Variants in PIK3CA observed in about 807,000 individuals in gnomAD.
The protein encoded by PIK3CA is phosphatidylinositol 4,5-bisphosphate 3-kinase catalytic subunit alpha isoform.
PIK3CA carries 27 observed loss-of-function variants against 138.2 expected under a neutral mutation model. The ratio of observed to expected loss-of-function variants is 0.20; its 90% CI spans 0.14 to 0.27. The LOEUF is 0.27. Among genes scored for constraint, PIK3CA ranks in the 10% least tolerant of loss-of-function variants. PIK3CA has a pLI of 1.00. For missense variants in PIK3CA, 544 were observed against 1,277.4 expected (o/e 0.43, Z 8.75); for synonymous variants, 358 against 413.2 (o/e 0.87, Z 1.62).
In PIK3CA at chr3:179,237,018, C is replaced by G. The variant is rs115425625; in HGVS notation, c.*2654C>G. 728 of 195,032 alleles carry G rather than the reference C, an allele frequency of 3.7e-3. 2 individuals are homozygous for G. Among genetic ancestry groups the G allele is most frequent in the African/African-American group, 0.016 (688 of 43,304 alleles). The allele number at this position is 195,032 out of a possible 1,614,324, so 12.1% of individuals were successfully genotyped here. On this transcript the variant is annotated 3_prime_UTR_variant, in exon 21 of 21. Transcript: ENST00000263967. ...TATTGGGCCACTTAAGAAATATTTCCTTGAATAATTATTTTGAGAAAAAGT... is the reference window on the plus strand; with the variant it reads ...TATTGGGCCACTTAAGAAATATTTCGTTGAATAATTATTTTGAGAAAAAGT...
At chr3:179,201,169 T>C in intron 3 of PIK3CA, 121 bp from the exon 4 acceptor site, 2 of 800,718 alleles carry the variant, frequency 2.5e-6, no homozygotes, top group South Asian at 1.8e-5. Flanking sequence ...CTAGTTTTAA[T>C]TGGGCTGATT....
chr3:179,176,471 A>G (rs1576921224), intron 1 of PIK3CA, among the ~76,000 whole-genome samples: 1 of 152,288 alleles, frequency 6.6e-6, no homozygotes, highest in African/African-American at 2.4e-5. Flanking sequence ...AGCTTCATCA[A>G]AAAAAGAGTT....
intron 18 of PIK3CA, among the ~76,000 whole-genome samples, chr3:179,229,801 T>C (rs1305400610): frequency 1.3e-5 from 2 of 152,180 alleles, no homozygotes; most frequent in Non-Finnish European, 2.9e-5. Flanking sequence ...TGAAGAATTA[T>C]GCTTTGGTCA....
rs571567374 is a variant in PIK3CA, at chr3:179,203,161, C to T, written c.814-383C>T. Among the ~76,000 whole-genome samples, 4 of 151,902 alleles carry T rather than the reference C, an allele frequency of 2.6e-5. No individual in the cohort carries two copies. In the South Asian group the frequency reaches 6.2e-4, roughly 24 times the overall value. On this transcript the variant is annotated intron_variant, in intron 4 of 20. Transcript: ENST00000263967. ...TTCACCGTTTTAGCCAGGATGGTCT[C>T]GATCTCCTGACCTCGTGATCCGCCC...
chr3:179,172,210 T>C (rs931436872), intron 1 of PIK3CA, among the ~76,000 whole-genome samples: 1 of 151,998 alleles, frequency 6.6e-6, no homozygotes, highest in Non-Finnish European at 1.5e-5. Flanking sequence ...TAAAAACTCT[T>C]AGCAAGCTAG....
intron 1 of PIK3CA, among the ~76,000 whole-genome samples, chr3:179,179,278 A>T (rs1723780967): frequency 6.6e-6 from 1 of 152,272 alleles, no homozygotes; most frequent in Admixed American, 6.5e-5. Context: ...AAGCTGTAGT[A>T]TATTTTGGAA....
Position 179,198,049 on chromosome 3 carries a change from TAC to T in PIK3CA, c.-76-699_-76-698del, listed in dbSNP as rs1455442201. ...TTATTTGAGAAAGTAAATAGATCAT[TAC>T]AAATTCATCGTCATACTTCAAGGAA... is the stretch of plus-strand genomic sequence containing the variant. On this transcript the variant is annotated intron_variant, in intron 1 of 20. Transcript: ENST00000263967. Among the ~76,000 whole-genome samples, 3 of 152,206 alleles carry T rather than the reference TAC, an allele frequency of 2.0e-5. No individual in the cohort carries two copies. The East Asian group carries it at 5.8e-4, about 29-fold the overall frequency.
At chr3:179,202,524 C>T (rs928899897) in intron 4 of PIK3CA, among the ~76,000 whole-genome samples, 1 of 152,176 alleles carries the variant, frequency 6.6e-6, no homozygotes, top group Non-Finnish European at 1.5e-5. Flanking sequence ...GAAGCAACTA[C>T]GTTTGTGCCA....
intron 3 of PIK3CA, among the ~76,000 whole-genome samples, chr3:179,200,578 AGT>A (rs927537351): frequency 2.4e-4 from 37 of 152,324 alleles, no homozygotes; most frequent in African/African-American, 8.2e-4. Flanking sequence ...TTTTCAAAGT[AGT>A]TTAATGCAAC....
At chr3:179,231,244 T>C (rs922626013) in intron 20 of PIK3CA, among the ~76,000 whole-genome samples, 2 of 152,170 alleles carry the variant, frequency 1.3e-5, no homozygotes, top group Admixed American at 6.5e-5. Context: ...TTTGCAATTG[T>C]GAATTGTGCT....
At chr3:179,188,172 C>T (rs1025447406) in intron 1 of PIK3CA, among the ~76,000 whole-genome samples, 1 of 152,198 alleles carries the variant, frequency 6.6e-6, no homozygotes, top group Non-Finnish European at 1.5e-5. Context: ...CTCTTTGCTA[C>T]TATATGTTAA....
At chr3:179,184,807 T>G (rs1316418967) in intron 1 of PIK3CA, among the ~76,000 whole-genome samples, 1 of 152,190 alleles carries the variant, frequency 6.6e-6, no homozygotes, top group Non-Finnish European at 1.5e-5. Flanking sequence ...AACCCAAGTT[T>G]CACTTTATGA....
intron 1 of PIK3CA, among the ~76,000 whole-genome samples, chr3:179,187,306 G>C (rs1046148841): frequency 6.6e-6 from 1 of 152,072 alleles, no homozygotes; most frequent in East Asian, 2.0e-4. Context: ...GGGAGGCCGA[G>C]GTGGGCGGAT....
chr3:179,169,595 T>C (rs533657714), intron 1 of PIK3CA, among the ~76,000 whole-genome samples: 1 of 152,226 alleles, frequency 6.6e-6, no homozygotes, highest in South Asian at 2.1e-4. Context: ...GGTTCTGGGG[T>C]TTTTCCCTAT....
intron 1 of PIK3CA, among the ~76,000 whole-genome samples, chr3:179,153,981 C>T (rs943033595): frequency 1.3e-5 from 2 of 152,166 alleles, no homozygotes; most frequent in African/African-American, 2.4e-5. Flanking sequence ...ACCTTATTCA[C>T]ATTTAATTAT....
intron 17 of PIK3CA, among the ~76,000 whole-genome samples, chr3:179,228,135 T>G (rs1033620599): frequency 1.7e-4 from 26 of 152,054 alleles, no homozygotes; most frequent in African/African-American, 5.8e-4. Context: ...AAATTCAAAC[T>G]TGCAACAAAA....
intron 1 of PIK3CA, among the ~76,000 whole-genome samples, chr3:179,177,364 G>A (rs960259064): frequency 1.4e-5 from 2 of 140,106 alleles, no homozygotes; most frequent in Non-Finnish European, 3.0e-5. Context: ...CCAGGCTGGC[G>A]TGCAGTGGCC....
At chr3:179,174,024 G>A (rs1444617520) in intron 1 of PIK3CA, among the ~76,000 whole-genome samples, 3 of 151,922 alleles carry the variant, frequency 2.0e-5, no homozygotes, top group Non-Finnish European at 2.9e-5. Context: ...CATTGCGCCC[G>A]GCCCGGAAGT....
In PIK3CA at chr3:179,166,854, CATAGG is replaced by C. The variant is rs530716939; in HGVS notation, c.-77+18255_-77+18259del. Among the ~76,000 whole-genome samples, 19 of 152,082 alleles carry C rather than the reference CATAGG, an allele frequency of 1.2e-4. No individual in the cohort carries two copies. In the East Asian group the frequency reaches 3.5e-3, roughly 28 times the overall value. On this transcript the variant is annotated intron_variant, in intron 1 of 20. Coordinates refer to ENST00000263967, the MANE Select transcript of PIK3CA (RefSeq NM_006218.4). ...GCTGCAAAATTCAGATCCAGTATGC[CATAGG>C]ATACATGTAGCCACGGTTTAAACCA... is the stretch of plus-strand genomic sequence containing the variant.
Sources: gnomAD v4.1 joint callset for allele counts (sites outside exome capture counted in the v4.1 genomes callset) on GRCh38, gnomAD v4.1.1 for gene constraint, MANE v1.5 for transcripts, NCBI Gene and HGNC (gene_info 2026-07-23, HGNC 2026-07-21) for gene names.